The following SEC14L5 variants were observed in gnomAD, a reference collection of about 807,000 sequenced individuals.
SEC14L5 encodes SEC14 like lipid binding 5.
A neutral mutation model predicts 84.6 loss-of-function variants in SEC14L5; 96 were observed. That is an observed-to-expected ratio of 1.13 (90% CI 0.96 to 1.34). The LOEUF (loss-of-function observed/expected upper bound fraction) is 1.34, where lower values mean the gene tolerates loss of function less well. Ranked by LOEUF, SEC14L5 falls within the 40% of genes most tolerant of loss-of-function variation. The pLI, the probability that SEC14L5 is intolerant of heterozygous loss-of-function variation, is 0.00. For synonymous variants in SEC14L5, 546 were observed against 383.4 expected, an observed-to-expected ratio of 1.42 and a Z score of -4.95; for missense variants, 1,224 against 942.5, an observed-to-expected ratio of 1.30 and a Z score of -3.91.
At chr16:4,991,642 G>A (rs765054590) in intron 5 of SEC14L5, among the ~76,000 whole-genome samples, 196 bp from the exon 6 acceptor site, 45 of 152,164 alleles carry the variant, frequency 3.0e-4, no homozygotes, top group Admixed American at 9.2e-4. Context: ...TCTTTGTTTC[G>A]TACCAAGCCT....
chr16:5,005,880 A>ACC, intron 11 of SEC14L5, 34 bp from the exon 12 acceptor site: 1 of 1,512,070 alleles, frequency 6.6e-7, no homozygotes, highest in Admixed American at 2.5e-5. Flanking sequence ...AAAAAAAAAA[A>ACC]AACCATCCAT....
At chr16:4,961,271 TCAACAACAACAACAG>T (rs920052812) in intron 2 of SEC14L5, among the ~76,000 whole-genome samples, 11 of 151,550 alleles carry the variant, frequency 7.3e-5, no homozygotes, top group African/African-American at 2.7e-4. Flanking sequence ...AGACTCCGTC[TCAACAACAACAACAG>T]CAACAACAAC....
intron 2 of SEC14L5, among the ~76,000 whole-genome samples, chr16:4,975,445 C>G (rs1032291837): frequency 7.0e-6 from 1 of 142,404 alleles, no homozygotes; most frequent in Non-Finnish European, 1.5e-5. Context: ...TGCACTCCAG[C>G]CCGGGTGACA....
chr16:4,960,252 T>C (rs1166246009), intron 2 of SEC14L5, among the ~76,000 whole-genome samples: 2 of 152,138 alleles, frequency 1.3e-5, no homozygotes, highest in Non-Finnish European at 2.9e-5. Context: ...GAGGAGTAAA[T>C]GAGATAGTTC....
chr16:5,007,544 A>G (rs1955745625), intron 13 of SEC14L5, 58 bp downstream of exon 13: 6 of 1,486,618 alleles, frequency 4.0e-6, no homozygotes, highest in Non-Finnish European at 5.6e-6. Flanking sequence ...GTCTTAGGTC[A>G]GGTGACCCCA....
chr16:5,000,635 G>A lies in SEC14L5; in HGVS notation c.971-20G>A, dbSNP rs1270254206. The A allele has an allele frequency of 6.5e-7, 1 of 1,540,688 alleles. No individual in the cohort carries two copies. Among genetic ancestry groups the A allele is most frequent in the Non-Finnish European group, 8.8e-7 (1 of 1,137,702 alleles). ...CTCTAAATAACGGGCTCTTCTTTCT[G>A]CTTGGCCCCATCCACAAAGATGGCC... On this transcript the variant is annotated intron_variant, in intron 8 of 15. Transcript: ENST00000251170.
chr16:4,987,629 C>T lies in SEC14L5; in HGVS notation c.136C>T (p.Arg46Cys). Residue 46 changes from arginine to cysteine, a missense_variant, in exon 3 of 16, where the codon CGC becomes TGC. Transcript: ENST00000251170. ...FLGSEVLRES[R>C]SPDGAVHVVE... ...GGGCAGCGAGGTCTTGCGCGAGTCC[C>T]GCAGCCCGGACGGGGCTGTGCACGT... The T allele has an allele frequency of 6.4e-7, 1 of 1,556,992 alleles. No homozygotes were observed. The highest frequency in any genetic ancestry group is 8.7e-7 in the Non-Finnish European group (1 of 1,151,718).
chr16:5,008,287 C>G, intron 13 of SEC14L5, 134 bp from the exon 14 acceptor site: 2 of 662,232 alleles, frequency 3.0e-6, no homozygotes, highest in Non-Finnish European at 5.3e-6. Flanking sequence ...GAGGAGGGCA[C>G]TCCTGTAAGG....
rs555026973 is a variant in SEC14L5, at chr16:4,965,119, G to A, written c.63+5733G>A. On this transcript the variant is annotated intron_variant, in intron 2 of 15. Transcript: ENST00000251170. The stretch of plus-strand genomic sequence containing the variant: ...TCTTTAACGTATACATCTTGAATGT[G>A]TCTGGTGATAAGAAGACACCTGAGG... 2.0e-5 allele frequency among the ~76,000 whole-genome samples: 3 copies of A among 152,284 alleles called. No individual in the cohort carries two copies. In the South Asian group the frequency reaches 6.2e-4, roughly 32 times the overall value.
chr16:4,979,769 C>T (rs750095689), intron 2 of SEC14L5, among the ~76,000 whole-genome samples: 2 of 152,114 alleles, frequency 1.3e-5, no homozygotes, highest in Non-Finnish European at 2.9e-5. Context: ...GGTTTGAAAG[C>T]AGCAGACAGA....
chr16:5,015,072 GC>G lies in SEC14L5; in HGVS notation c.*106del. On this transcript the variant is annotated 3_prime_UTR_variant, in exon 16 of 16. Coordinates refer to ENST00000251170, the MANE Select transcript of SEC14L5 (RefSeq NM_014692.2). ...AGGGCCTGGGACCATGTGGGCTGGA[GC>G]CCCAGGCCTAGATGCTGCCCAAGTT... 1 of 915,564 alleles carries G rather than the reference GC, an allele frequency of 1.1e-6. No individual in the cohort carries two copies. Among genetic ancestry groups the G allele is most frequent in the Non-Finnish European group, 1.7e-6 (1 of 597,560 alleles). 56.7% of individuals were successfully genotyped at this position (915,564 alleles called of 1,614,324 possible).
intron 2 of SEC14L5, among the ~76,000 whole-genome samples, chr16:4,979,120 CAG>C (rs2142492861): frequency 6.6e-6 from 1 of 152,258 alleles, no homozygotes; most frequent in East Asian, 1.9e-4. Context: ...GCTGGGGAGA[CAG>C]ACACATTTTC....
At chr16:5,010,885 G>A (rs778232725) in intron 14 of SEC14L5, 53 of 547,804 alleles carry the variant, frequency 9.7e-5, no homozygotes, top group Non-Finnish European at 1.5e-4. Context: ...CAGATTAAGA[G>A]GGAGGCTCTG....
Position 4,996,543 on chromosome 16 carries a change from G to C in SEC14L5, c.780+83G>C, listed in dbSNP as rs1955611803. 4.2e-6 allele frequency: 3 copies of C among 714,928 alleles called. No homozygotes were observed. In the East Asian group the frequency reaches 8.2e-5, roughly 19 times the overall value. The allele number at this position is 714,928 out of a possible 1,614,324, so 44.3% of individuals were successfully genotyped here. A position where few individuals can be genotyped will look rare whatever the true frequency, so the allele number is the denominator to read the frequency against. On this transcript the variant is annotated intron_variant, in intron 7 of 15. Transcript: ENST00000251170. ...CTCCGTGCATGGGAAGGAAAGGCGAGATGATAATGCTGACACATTATCTCT... is the reference window on the plus strand; with the variant it reads ...CTCCGTGCATGGGAAGGAAAGGCGACATGATAATGCTGACACATTATCTCT...
chr16:5,012,336 C>T (rs1238640158), intron 15 of SEC14L5, among the ~76,000 whole-genome samples: 1 of 152,086 alleles, frequency 6.6e-6, no homozygotes, highest in Non-Finnish European at 1.5e-5. Context: ...GAGGGGTGGG[C>T]TGGGCCAGAC....
At chr16:4,983,507 T>C (rs1373103607) in intron 2 of SEC14L5, among the ~76,000 whole-genome samples, 1 of 149,986 alleles carries the variant, frequency 6.7e-6, no homozygotes, top group Non-Finnish European at 1.5e-5. Context: ...TAGAAAGATA[T>C]ATGCACACTA....
intron 2 of SEC14L5, among the ~76,000 whole-genome samples, chr16:4,970,125 T>A (rs1002578697): frequency 2.0e-5 from 3 of 152,178 alleles, no homozygotes; most frequent in African/African-American, 7.2e-5. Flanking sequence ...CTGGTTCTTT[T>A]GATGTGGTTC....
chr16:4,996,567 C>G, intron 7 of SEC14L5, 107 bp downstream of exon 7: 1 of 633,920 alleles, frequency 1.6e-6, no homozygotes, highest in Non-Finnish European at 2.8e-6. Context: ...CACATTATCT[C>G]TTGCTTATTT....
chr16:4,996,283 C>T, intron 6 of SEC14L5, 65 bp from the exon 7 acceptor site: 1 of 995,702 alleles, frequency 1.0e-6, no homozygotes, highest in Non-Finnish European at 1.5e-6. Flanking sequence ...GAATGGCACA[C>T]AGACCACATG....
Sources: allele counts gnomAD v4.1 joint callset (sites outside exome capture counted in the v4.1 genomes callset), GRCh38; gene constraint gnomAD v4.1.1; transcripts MANE v1.5; gene names NCBI Gene and HGNC (gene_info 2026-07-23, HGNC 2026-07-21).